The following UGT1A8 variants were observed in gnomAD, a reference collection of about 807,000 sequenced individuals.
The protein encoded by UGT1A8 is UDP-glucuronosyltransferase 1A8.
Under a neutral mutation model 45.3 loss-of-function variants are expected in UGT1A8, and 39 were observed. That is an observed-to-expected ratio of 0.86 (90% confidence interval 0.67 to 1.12). The LOEUF is 1.12. Ranked by LOEUF, UGT1A8 falls within the 50% of genes most tolerant of loss-of-function variation. The pLI, the probability that UGT1A8 is intolerant of heterozygous loss-of-function variation, is 0.00. For synonymous variants in UGT1A8, 275 were observed against 249.2 expected, an observed-to-expected ratio of 1.10 and a Z score of -0.97; for missense variants, 719 against 664.9, an observed-to-expected ratio of 1.08 and a Z score of -0.90.
chr2:233,760,266 C>G (rs778145749), intron 1 of UGT1A8: 1 of 1,612,006 alleles, frequency 6.2e-7, no homozygotes. Flanking sequence ...GAGGGCGAAC[C>G]TCTGGCAGGA....
At chr2:233,701,614 C>T (rs1194546253) in intron 1 of UGT1A8, among the ~76,000 whole-genome samples, 9 of 152,078 alleles carry the variant, frequency 5.9e-5, no homozygotes, top group East Asian at 1.9e-4. Flanking sequence ...CCTCAGCAAA[C>T]GTAAAAGAAC....
At chr2:233,687,225 T>C (rs1035294052) in intron 1 of UGT1A8, among the ~76,000 whole-genome samples, 4 of 152,132 alleles carry the variant, frequency 2.6e-5, no homozygotes, top group African/African-American at 9.7e-5. Flanking sequence ...TCCAGCACAA[T>C]TATCTCCAAC....
chr2:233,629,522 T>G (rs2073150106), intron 1 of UGT1A8, among the ~76,000 whole-genome samples: 2 of 152,138 alleles, frequency 1.3e-5, no homozygotes, highest in Admixed American at 6.6e-5. Context: ...ATTACAGACT[T>G]TGACTTGCCA....
intron 1 of UGT1A8, among the ~76,000 whole-genome samples, chr2:233,720,381 T>C (rs930663002): frequency 6.6e-6 from 1 of 152,042 alleles, no homozygotes; most frequent in Non-Finnish European, 1.5e-5. Flanking sequence ...CTACTTGGAA[T>C]GCTGAAATTA....
chr2:233,725,192 AGAGGCAGAGGCAGAGGCAGAGGCAGAG>A (rs1559370258), intron 1 of UGT1A8, among the ~76,000 whole-genome samples: 1 of 85,390 alleles, frequency 1.2e-5, no homozygotes, highest in Admixed American at 1.0e-4. Flanking sequence ...AGGCAGAGGC[AGAGGCAGAGGCAGAGGCAGAGGCAGAG>A]GAGGCAGAGG....
In UGT1A8 at chr2:233,767,087, T is replaced by A; in HGVS notation, c.909T>A (p.Ser303=). 1 of 1,614,180 alleles carries A rather than the reference T, an allele frequency of 6.2e-7. No homozygotes were observed. The highest frequency in any genetic ancestry group is 8.5e-7 in the Non-Finnish European group (1 of 1,180,034). The change falls in exon 2 of 5, where the codon TCT becomes TCA. Residue 303 remains serine, a synonymous_variant. Coordinates refer to ENST00000373450, the MANE Select transcript of UGT1A8 (RefSeq NM_019076.5). ...GAGAACATGGAATTGTGGTTTTCTC[T>A]TTGGGATCAATGGTCTCAGAAATTC... is the stretch of plus-strand genomic sequence containing the variant. The part of the protein sequence containing the change: ...ASGEHGIVVF[S]LGSMVSEIPE...
At chr2:233,651,767 G>C (rs1298799964) in intron 1 of UGT1A8, among the ~76,000 whole-genome samples, 1 of 152,194 alleles carries the variant, frequency 6.6e-6, no homozygotes, top group Non-Finnish European at 1.5e-5. Context: ...TCACTTGATG[G>C]AGTGTGCATC....
intron 1 of UGT1A8, among the ~76,000 whole-genome samples, chr2:233,638,558 G>A (rs1030441173): frequency 6.6e-5 from 10 of 152,046 alleles, no homozygotes; most frequent in African/African-American, 1.2e-4. Context: ...ATAGGGATTC[G>A]GTTGCTTGTG....
In UGT1A8 at chr2:233,752,546, T is replaced by C. The variant is rs530394828; in HGVS notation, c.856-14488T>C. ...TAAAAATTCTTTAAATAAAATGCTC[T>C]TGCTGGGACAACATAGTGGGTCAAC... is the stretch of plus-strand genomic sequence containing the variant. On this transcript the variant is annotated intron_variant, in intron 1 of 4. Coordinates refer to ENST00000373450, the MANE Select transcript of UGT1A8 (RefSeq NM_019076.5). The C allele has an allele frequency of 2.0e-5, 3 of 152,346 alleles. No homozygotes were observed. The East Asian group carries it at 5.8e-4, about 29-fold the overall frequency. The allele number at this position is 152,346 out of a possible 1,614,324, so 9.4% of individuals were successfully genotyped here.
At chr2:233,647,991 G>C in intron 1 of UGT1A8, 1 of 1,607,716 alleles carries the variant, frequency 6.2e-7, no homozygotes, top group Non-Finnish European at 8.5e-7. Context: ...TTCTCAGGGG[G>C]CATGAGGTGG....
At chr2:233,628,652 G>A (rs988385128) in intron 1 of UGT1A8, among the ~76,000 whole-genome samples, 24 of 152,210 alleles carry the variant, frequency 1.6e-4, no homozygotes, top group African/African-American at 5.5e-4. Context: ...ACAATGTTGA[G>A]TAGAAGTGGG....
chr2:233,663,142 C>A (rs923621380), intron 1 of UGT1A8, among the ~76,000 whole-genome samples: 10 of 152,136 alleles, frequency 6.6e-5, no homozygotes, highest in African/African-American at 2.4e-4. Flanking sequence ...TGCCCATTCC[C>A]CTCTCCTCCA....
intron 1 of UGT1A8, among the ~76,000 whole-genome samples, chr2:233,722,234 T>C (rs551912066): frequency 1.3e-5 from 2 of 152,362 alleles, no homozygotes; most frequent in East Asian, 1.9e-4. Flanking sequence ...ATCTTTATCA[T>C]GTATTATCTG....
In UGT1A8 at chr2:233,637,401, A is replaced by T. The variant is rs1293301337; in HGVS notation, c.855+18839A>T. 2.5e-6 allele frequency: 4 copies of T among 1,586,210 alleles called. No homozygotes were observed. In the South Asian group the frequency reaches 3.5e-5, roughly 14 times the overall value. On this transcript the variant is annotated intron_variant, in intron 1 of 4. Coordinates refer to ENST00000373450, the MANE Select transcript of UGT1A8 (RefSeq NM_019076.5). ...TGGTAAGTCACCTCTCCTTTAGCAC[A>T]TTAAGAATAATCTGGCTTTGGAAAT... is the stretch of plus-strand genomic sequence containing the variant.
intron 1 of UGT1A8, among the ~76,000 whole-genome samples, chr2:233,763,849 G>A (rs1198525346): frequency 6.6e-6 from 1 of 152,198 alleles, no homozygotes; most frequent in East Asian, 1.9e-4. Context: ...GATAGCAGTG[G>A]TTCACAGACA....
rs1413528689 is a variant in UGT1A8, at chr2:233,768,429, A to G, written c.1285A>G (p.Asn429Asp). Residue 429 changes from asparagine to aspartate, a missense_variant, in exon 4 of 5, where the codon AAT becomes GAT. By Grantham distance (23) the Asn-to-Asp change is conservative. Transcript: ENST00000373450. Reference protein sequence around the residue: ...DLENALKAVINDKSYKENIMR... With the variant: ...DLENALKAVIDDKSYKENIMR... ...AGAAAATGCTCTAAAAGCAGTCATC[A>G]ATGACAAAAGGTAAGAAAGAAGATA... is the stretch of plus-strand genomic sequence containing the variant. The G allele has an allele frequency of 6.8e-6, 11 of 1,614,042 alleles. No homozygotes were observed. The highest frequency in any genetic ancestry group is 9.3e-6 in the Non-Finnish European group (11 of 1,179,964).
intron 1 of UGT1A8, among the ~76,000 whole-genome samples, chr2:233,665,794 A>G (rs1421001374): frequency 6.6e-6 from 1 of 152,214 alleles, no homozygotes; most frequent in African/African-American, 2.4e-5. Flanking sequence ...CTTATGGATA[A>G]ATACCCAACA....
chr2:233,761,154 G>C, intron 1 of UGT1A8: 3 of 1,614,240 alleles, frequency 1.9e-6, no homozygotes, highest in African/African-American at 2.7e-5. Context: ...TATCCCAGGT[G>C]TGTATTGGAG....
At chr2:233,719,454 A>G in intron 1 of UGT1A8, 2 of 1,613,988 alleles carry the variant, frequency 1.2e-6, no homozygotes, top group Non-Finnish European at 1.7e-6. Context: ...GCAAAGGGTC[A>G]AGAACATGCT....
Sources: allele counts gnomAD v4.1 joint callset (sites outside exome capture counted in the v4.1 genomes callset), GRCh38; gene constraint gnomAD v4.1.1; transcripts MANE v1.5; gene names NCBI Gene and HGNC (gene_info 2026-07-23, HGNC 2026-07-21).